The following PDPK1 variants were observed in gnomAD, a reference collection of about 807,000 sequenced individuals.
PDPK1 encodes 3-phosphoinositide dependent protein kinase 1.
Under a neutral mutation model 39.8 loss-of-function variants are expected in PDPK1, and 7 were observed. The observed-to-expected ratio is 0.18, with a 90% CI of 0.10 to 0.33. PDPK1 has a LOEUF of 0.33. Among genes scored for constraint, PDPK1 ranks in the 10% least tolerant of loss-of-function variants. The pLI is 1.00. For missense variants in PDPK1, 182 were observed against 384.7 expected (o/e 0.47, Z 4.41); for synonymous variants, 118 against 159.1 (o/e 0.74, Z 1.95).
chr16:2,588,856 T>G (rs1194875327), intron 11 of PDPK1, among the ~76,000 whole-genome samples: 1 of 152,228 alleles, frequency 6.6e-6, no homozygotes, highest in Non-Finnish European at 1.5e-5. Flanking sequence ...TTTGCTGTCA[T>G]TCTCTGTGCG....
Position 2,602,666 on chromosome 16 carries a change from A to G in PDPK1, c.*4899A>G. 4.3e-6 allele frequency: 1 copy of G among 234,812 alleles called. No individual in the cohort carries two copies. The highest frequency in any genetic ancestry group is 2.2e-5 in the African/African-American group (1 of 45,464). 14.5% of individuals were successfully genotyped at this position (234,812 alleles called of 1,614,324 possible). ...TTAGAGCTGCTGTAGCTGTTCCTTC[A>G]CAACATAAAATAGGATAAATGACTA... On this transcript the variant is annotated 3_prime_UTR_variant, in exon 14 of 14. Transcript: ENST00000342085.
rs909168130 is a variant in PDPK1 at position 2,538,182 on chromosome 16, C to A, written c.24+46C>A. On this transcript the variant is annotated intron_variant, in intron 1 of 13. Transcript: ENST00000342085. ...TGGACGCGCCGGTTTGTTACCCTGCCGGGTCCGGCGGCCGCCCGGGTCCGG... is the reference window on the plus strand; with the variant it reads ...TGGACGCGCCGGTTTGTTACCCTGCAGGGTCCGGCGGCCGCCCGGGTCCGG... 20 of 1,017,936 alleles carry A rather than the reference C, an allele frequency of 2.0e-5. No individual in the cohort carries two copies. The African/African-American group carries it at 3.3e-4, about 17-fold the overall frequency. 63.1% of individuals were successfully genotyped at this position (1,017,936 alleles called of 1,614,324 possible). A position where few individuals can be genotyped will look rare whatever the true frequency, so the allele number is the denominator to read the frequency against.
rs1198096839 is a variant in PDPK1 at position 2,599,556 on chromosome 16, GGCCCCAGGGAGCAGGAC to G, written c.*1792_*1808del. On this transcript the variant is annotated 3_prime_UTR_variant, in exon 14 of 14. Transcript: ENST00000342085. ...GTGAGCTGGGCCGCACCTACCCTGG[GGCCCCAGGGAGCAGGAC>G]GCTCCGGGGCCCAGCACGTTGCCCT... 4.3e-6 allele frequency: 1 copy of G among 232,494 alleles called. No homozygotes were observed. The highest frequency in any genetic ancestry group is 5.6e-5 in the Admixed American group (1 of 17,740). 14.4% of individuals were successfully genotyped at this position (232,494 alleles called of 1,614,324 possible).
At chr16:2,551,458 C>T (rs1397823863) in intron 1 of PDPK1, among the ~76,000 whole-genome samples, 10 of 150,732 alleles carry the variant, frequency 6.6e-5, no homozygotes, top group Admixed American at 1.4e-4. Context: ...GGTCCGGGGG[C>T]CTGGAGAGAG....
intron 7 of PDPK1, chr16:2,579,933 AAAAAAG>A (rs1307069026): frequency 1.4e-5 from 2 of 140,224 alleles, no homozygotes; most frequent in Non-Finnish European, 3.1e-5. Context: ...ACCCTGTCTC[AAAAAAG>A]AAAAAGAAAA....
chr16:2,576,228 C>T (rs2141978779), intron 6 of PDPK1: 1 of 141,604 alleles, frequency 7.1e-6, no homozygotes, highest in Non-Finnish European at 1.5e-5. Context: ...CCCTCAGATC[C>T]CTGCCAGCGC....
chr16:2,586,722 C>T lies in PDPK1; in HGVS notation c.1172C>T (p.Ser391Phe), dbSNP rs1270753328. ...TTTGGCTGCATGCAGGTGTCTTCGT[C>T]CTCCTCCTCACACTCCCTGTCAGCC... ...SQFGCMQVSS[S>F]SSSHSLSASD... The change falls in exon 11 of 14, where the codon TCC becomes TTC. Residue 391 changes from serine to phenylalanine, a missense_variant. Ser to Phe is a radical substitution (Grantham distance 155). This residue lies in a region of PDPK1 where 90 missense variants were observed against 111.9 expected (regional missense o/e 0.80). Transcript: ENST00000342085. 2 of 1,614,132 alleles carry T rather than the reference C, an allele frequency of 1.2e-6. No homozygotes were observed. Among genetic ancestry groups the T allele is most frequent in the African/African-American group, 1.3e-5 (1 of 74,950 alleles).
chr16:2,595,965 A>C (rs1185501342), intron 12 of PDPK1, 115 bp downstream of exon 12: 17 of 798,268 alleles, frequency 2.1e-5, no homozygotes, highest in Non-Finnish European at 3.5e-5. Flanking sequence ...TTTTCATCAG[A>C]CATCATCTCT....
chr16:2,594,859 C>T (rs113187116), intron 11 of PDPK1, among the ~76,000 whole-genome samples: 1,981 of 151,900 alleles, frequency 0.013, 44 homozygotes, highest in African/African-American at 0.044. Flanking sequence ...CAGTGGCTCA[C>T]GCCTATAATC....
At chr16:2,587,390 A>G (rs1304773376) in intron 11 of PDPK1, among the ~76,000 whole-genome samples, 1 of 152,184 alleles carries the variant, frequency 6.6e-6, no homozygotes, top group Non-Finnish European at 1.5e-5. Context: ...TTGATGCTCC[A>G]AAAACAAACT....
At chr16:2,579,326 G>C (rs2066774941) in intron 7 of PDPK1, 1 of 99,514 alleles carries the variant, frequency 1.0e-5, no homozygotes. Flanking sequence ...CTTTCAAAGT[G>C]CTTGTCGTCG....
chr16:2,539,866 C>T, intron 1 of PDPK1, among the ~76,000 whole-genome samples: 1 of 152,222 alleles, frequency 6.6e-6, no homozygotes, highest in Non-Finnish European at 1.5e-5. Context: ...AGCAAATTTT[C>T]TCATGGCCTT....
intron 1 of PDPK1, among the ~76,000 whole-genome samples, chr16:2,544,216 AGT>A (rs1201560026): frequency 6.6e-6 from 1 of 152,188 alleles, no homozygotes; most frequent in East Asian, 1.9e-4. Context: ...GTGGTTACAA[AGT>A]GTTTCTACCT....
At chr16:2,541,755 G>A (rs1241154824) in intron 1 of PDPK1, among the ~76,000 whole-genome samples, 2 of 152,208 alleles carry the variant, frequency 1.3e-5, no homozygotes, top group Non-Finnish European at 2.9e-5. Flanking sequence ...CTTTTCAGCC[G>A]TGCATTCTTC....
chr16:2,598,523 G>A lies in PDPK1; in HGVS notation c.*756G>A. On this transcript the variant is annotated 3_prime_UTR_variant, in exon 14 of 14. Transcript: ENST00000342085. The stretch of plus-strand genomic sequence containing the variant: ...CCTACTTAGCAGTGTTGGTCTCTGG[G>A]GCTGGAAGCCGAGCGCATGCTGGGA... 2 of 233,628 alleles carry A rather than the reference G, an allele frequency of 8.6e-6. No individual in the cohort carries two copies. The highest frequency in any genetic ancestry group is 1.7e-5 in the Non-Finnish European group (2 of 118,312). The allele number at this position is 233,628 out of a possible 1,614,324, so 14.5% of individuals were successfully genotyped here. A position where few individuals can be genotyped will look rare whatever the true frequency, so the allele number is the denominator to read the frequency against.
At position 2,597,161 on chromosome 16, in the gene PDPK1, A is replaced by G. The variant is rs1397557518; in HGVS notation, c.1440A>G (p.Glu480=). Residue 480 remains glutamate, a synonymous_variant, in exon 13 of 14, where the codon GAA becomes GAG. Coordinates refer to ENST00000342085, the MANE Select transcript of PDPK1 (RefSeq NM_002613.5). The surrounding 1 kb of genome is among the most constrained non-coding windows in gnomAD (Gnocchi z 6.3). Reference sequence around the variant, plus strand: ...GACGACGACAGCTGTTGCTCACAGAAGGACCACATTTATATTATGTGGATC... The same window carrying G: ...GACGACGACAGCTGTTGCTCACAGAGGGACCACATTTATATTATGTGGATC... The part of the protein sequence containing the change: ...FARRRQLLLT[E]GPHLYYVDPV... 1.3e-6 allele frequency: 2 copies of G among 1,572,332 alleles called. No individual in the cohort carries two copies. Among genetic ancestry groups the G allele is most frequent in the African/African-American group, 1.4e-5 (1 of 73,756 alleles).
At position 2,586,826 on chromosome 16, in the gene PDPK1, C is replaced by G; in HGVS notation, c.1276C>G (p.Leu426Val). Residue 426 changes from leucine (L) to valine (V), a missense_variant, in exon 11 of 14, where the codon CTG (leucine) becomes GTG (valine). Around this residue, in one of 5 missense-constraint regions of PDPK1, gnomAD observed 90 missense variants for 111.9 expected, o/e 0.80. Transcript: ENST00000342085. ...CGATCTGGACTCGAACTCCTTTGAACTGGACTTACAGTTTTCCGAAGATGA... is the reference window on the plus strand; with the variant it reads ...CGATCTGGACTCGAACTCCTTTGAAGTGGACTTACAGTTTTCCGAAGATGA... ...IHDLDSNSFE[L>V]DLQFSEDEKR... 3.1e-6 allele frequency: 5 copies of G among 1,614,266 alleles called. No individual in the cohort carries two copies. Among genetic ancestry groups the G allele is most frequent in the Non-Finnish European group, 4.2e-6 (5 of 1,180,050 alleles).
At chr16:2,542,063 T>G in intron 1 of PDPK1, among the ~76,000 whole-genome samples, 1 of 152,176 alleles carries the variant, frequency 6.6e-6, no homozygotes, top group Non-Finnish European at 1.5e-5. Flanking sequence ...AAACTGGAAT[T>G]TTTGCTCCAA....
In PDPK1 at chr16:2,597,535, G is replaced by A. The variant is rs561415422; in HGVS notation, c.1555-116G>A. On this transcript the variant is annotated intron_variant, in intron 13 of 13. Transcript: ENST00000342085. The surrounding 1 kb of genome is among the most constrained non-coding windows in gnomAD (Gnocchi z 6.3). ...TTGCTTACTGCTTGTGTGAATAACC[G>A]TCACACCCACGTGCTTTCAGGACTC... 2.9e-5 allele frequency: 23 copies of A among 796,952 alleles called. No homozygotes were observed. The highest frequency in any genetic ancestry group is 2.0e-4 in the African/African-American group (12 of 59,486). 49.4% of individuals were successfully genotyped at this position (796,952 alleles called of 1,614,324 possible).
Sources: gnomAD v4.1 joint callset for allele counts (sites outside exome capture counted in the v4.1 genomes callset) on GRCh38, gnomAD v4.1.1 for gene constraint, gnomAD v4.1.1 regional missense constraint, Gnocchi (gnomAD v3.1) non-coding constraint, MANE v1.5 for transcripts, NCBI Gene and HGNC (gene_info 2026-07-23, HGNC 2026-07-21) for gene names.